Variants in APBA1 observed in about 807,000 individuals in gnomAD.
The protein encoded by APBA1 is amyloid beta precursor protein binding family A member 1, also known as amyloid-beta A4 precursor protein-binding family A member 1.
APBA1 carries 55 observed loss-of-function variants against 86.6 expected under a neutral mutation model. The observed-to-expected ratio is 0.64, with a 90% confidence interval of 0.51 to 0.80. The LOEUF (loss-of-function observed/expected upper bound fraction) is 0.80, where lower values mean the gene tolerates loss of function less well. Ranked by LOEUF, APBA1 falls within the 30% of genes least tolerant of loss-of-function variation. The probability of loss-of-function intolerance (pLI) is 0.00; values close to 1 mark genes in which losing one functional copy is unlikely to be tolerated. For synonymous variants in APBA1, 511 were observed against 493.9 expected, an observed-to-expected ratio of 1.03 and a Z score of -0.46; for missense variants, 1,090 against 1,183.0, an observed-to-expected ratio of 0.92 and a Z score of 1.15.
intron 1 of APBA1, among the ~76,000 whole-genome samples, chr9:69,574,277 G>C (rs1478281122): frequency 6.6e-6 from 1 of 152,154 alleles, no homozygotes; most frequent in Non-Finnish European, 1.5e-5. Flanking sequence ...TCCCAGAATA[G>C]TTCTGAGCAT....
rs544726675 is a variant in APBA1 at position 69,429,308 on chromosome 9, C to G, written c.*2019G>C. 1 of 152,380 alleles carries G rather than the reference C, an allele frequency of 6.6e-6. No homozygotes were observed. The highest frequency in any genetic ancestry group is 1.5e-5 in the Non-Finnish European group (1 of 68,050). 9.4% of individuals were successfully genotyped at this position (152,380 alleles called of 1,614,324 possible). A position where few individuals can be genotyped will look rare whatever the true frequency, so the allele number is the denominator to read the frequency against. The stretch of plus-strand genomic sequence containing the variant: ...AGATACTCTACAGCAAATGGAGAAC[C>G]CTGGCCATGGTTCCTTCCTGGTCCT... On this transcript the variant is annotated 3_prime_UTR_variant, in exon 13 of 13. Coordinates refer to ENST00000265381, the MANE Select transcript of APBA1 (RefSeq NM_001163.4).
intron 1 of APBA1, among the ~76,000 whole-genome samples, chr9:69,607,215 T>C (rs1446514497): frequency 6.6e-6 from 1 of 152,176 alleles, no homozygotes; most frequent in Non-Finnish European, 1.5e-5. Context: ...TCAGCTCACA[T>C]GGCTGAGAAG....
intron 2 of APBA1, among the ~76,000 whole-genome samples, chr9:69,497,096 T>G (rs140270471): frequency 1.1e-3 from 165 of 152,232 alleles, no homozygotes; most frequent in African/African-American, 3.9e-3. Flanking sequence ...GAATTCTTTC[T>G]CTGGCTCTTC....
At position 69,572,569 on chromosome 9, in the gene APBA1, C is replaced by T. The variant is rs28453875; in HGVS notation, c.-69-55290G>A. ...CTTCATCTCTACTGTGGCCAACTCA[C>T]GCCCACCCAGTTCAAGTACCTATCC... On this transcript the variant is annotated intron_variant, in intron 1 of 12. Transcript: ENST00000265381. Among the ~76,000 whole-genome samples, 378 of 152,310 alleles carry T rather than the reference C, an allele frequency of 2.5e-3. 1 individual carries two copies. The highest frequency in any genetic ancestry group is 8.8e-3 in the African/African-American group (364 of 41,554).
intron 1 of APBA1, among the ~76,000 whole-genome samples, chr9:69,658,419 T>C (rs1048739418): frequency 3.3e-5 from 5 of 150,890 alleles, no homozygotes; most frequent in African/African-American, 9.8e-5. Flanking sequence ...TTTCTTTCTT[T>C]CTTTCCTTTT....
intron 3 of APBA1, among the ~76,000 whole-genome samples, chr9:69,473,057 G>A (rs1203731690): frequency 1.3e-5 from 2 of 152,202 alleles, no homozygotes; most frequent in African/African-American, 2.4e-5. Context: ...TCACTGGGAT[G>A]AAATGGTTCT....
intron 1 of APBA1, among the ~76,000 whole-genome samples, chr9:69,657,047 G>A (rs904126770): frequency 2.0e-5 from 3 of 151,550 alleles, no homozygotes; most frequent in Non-Finnish European, 4.4e-5. Flanking sequence ...GGGTTTCACC[G>A]TGTTAGCCAG....
chr9:69,582,251 T>C (rs962400523), intron 1 of APBA1, among the ~76,000 whole-genome samples: 7 of 152,166 alleles, frequency 4.6e-5, no homozygotes, highest in African/African-American at 1.7e-4. Context: ...AATGATCAGA[T>C]ACAAAGTAAG....
At chr9:69,483,644 T>G (rs1835559665) in intron 2 of APBA1, among the ~76,000 whole-genome samples, 1 of 152,142 alleles carries the variant, frequency 6.6e-6, no homozygotes, top group Non-Finnish European at 1.5e-5. Context: ...GAAGAAGTTG[T>G]ATGATCCCAG....
At chr9:69,536,048 T>G (rs925689372) in intron 1 of APBA1, among the ~76,000 whole-genome samples, 1 of 6,360 alleles carries the variant, frequency 1.6e-4, no homozygotes, top group African/African-American at 5.5e-4. Context: ...AGTTTTTTGT[T>G]TTTTTTTTTT....
chr9:69,625,010 C>A (rs1467153520), intron 1 of APBA1, among the ~76,000 whole-genome samples: 1 of 152,148 alleles, frequency 6.6e-6, no homozygotes, highest in African/African-American at 2.4e-5. Flanking sequence ...CTCCATAGTT[C>A]CTTCATGGAG....
chr9:69,482,542 A>T (rs1420370653), intron 2 of APBA1, among the ~76,000 whole-genome samples: 1 of 150,704 alleles, frequency 6.6e-6, no homozygotes, highest in Non-Finnish European at 1.5e-5. Flanking sequence ...AAACTAGTTC[A>T]ACCCTTGTGG....
At chr9:69,572,140 T>C (rs1457945408) in intron 1 of APBA1, among the ~76,000 whole-genome samples, 2 of 152,198 alleles carry the variant, frequency 1.3e-5, no homozygotes, top group Non-Finnish European at 2.9e-5. Flanking sequence ...GTTTGTTACA[T>C]AGGTAAACGT....
intron 2 of APBA1, among the ~76,000 whole-genome samples, chr9:69,498,528 C>T (rs1359376361): frequency 6.6e-6 from 1 of 152,110 alleles, no homozygotes; most frequent in East Asian, 1.9e-4. Context: ...GGCTTAAGAG[C>T]AGAGGAGGCT....
At chr9:69,568,692 G>C (rs1837069016) in intron 1 of APBA1, among the ~76,000 whole-genome samples, 2 of 152,200 alleles carry the variant, frequency 1.3e-5, no homozygotes, top group Admixed American at 1.3e-4. Context: ...TCAATGGAAG[G>C]TAACACAGCA....
chr9:69,653,972 G>A (rs1281245847), intron 1 of APBA1, among the ~76,000 whole-genome samples: 4 of 152,016 alleles, frequency 2.6e-5, no homozygotes, highest in Admixed American at 6.6e-5. Context: ...CCGTGTAGCC[G>A]GGCGCATGCC....
At chr9:69,560,539 G>A (rs921437689) in intron 1 of APBA1, among the ~76,000 whole-genome samples, 24 of 152,166 alleles carry the variant, frequency 1.6e-4, no homozygotes, top group African/African-American at 5.5e-4. Context: ...AAAAGGGGAT[G>A]ATCAAAATTC....
At chr9:69,550,129 G>C (rs1485420092) in intron 1 of APBA1, among the ~76,000 whole-genome samples, 1 of 152,192 alleles carries the variant, frequency 6.6e-6, no homozygotes, top group Non-Finnish European at 1.5e-5. Context: ...TTTGGTTCAT[G>C]ATATATTCTC....
At chr9:69,455,643 G>C (rs979586609) in intron 8 of APBA1, among the ~76,000 whole-genome samples, 5 of 152,166 alleles carry the variant, frequency 3.3e-5, no homozygotes, top group Non-Finnish European at 7.4e-5. Flanking sequence ...GTTTGCTGGG[G>C]AGGGACAGGG....
Sources: gnomAD v4.1 joint callset for allele counts (sites outside exome capture counted in the v4.1 genomes callset) on GRCh38, gnomAD v4.1.1 for gene constraint, MANE v1.5 for transcripts, NCBI Gene and HGNC (gene_info 2026-07-23, HGNC 2026-07-21) for gene names.